The following THSD7B variants were observed in gnomAD, a reference collection of about 807,000 sequenced individuals.
THSD7B encodes thrombospondin type 1 domain containing 7B, also known as thrombospondin type-1 domain-containing protein 7B.
A neutral mutation model predicts 213.6 loss-of-function variants in THSD7B; 138 were observed. That is an observed-to-expected ratio of 0.65 (90% CI 0.56 to 0.74). The LOEUF (loss-of-function observed/expected upper bound fraction) is 0.74. THSD7B is among the 30% of genes least tolerant of loss of function. The probability of loss-of-function intolerance (pLI) is 0.00; values close to 1 mark genes in which losing one functional copy is unlikely to be tolerated. For synonymous variants in THSD7B, 742 were observed against 687.0 expected, an observed-to-expected ratio of 1.08 and a Z score of -1.25; for missense variants, 1,931 against 1,991.5, an observed-to-expected ratio of 0.97 and a Z score of 0.58.
chr2:137,209,398 A>G (rs1201554570), intron 7 of THSD7B, among the ~76,000 whole-genome samples: 1 of 152,120 alleles, frequency 6.6e-6, no homozygotes, highest in Non-Finnish European at 1.5e-5. Flanking sequence ...AAATAAATGT[A>G]TTAATAAATG....
chr2:136,896,131 T>C (rs1683956096), intron 2 of THSD7B, among the ~76,000 whole-genome samples: 1 of 152,220 alleles, frequency 6.6e-6, no homozygotes, highest in South Asian at 2.1e-4. Flanking sequence ...GTATGGAATA[T>C]ACATGCTGAA....
At chr2:137,039,326 A>G (rs976057744) in intron 2 of THSD7B, among the ~76,000 whole-genome samples, 4 of 152,144 alleles carry the variant, frequency 2.6e-5, no homozygotes, top group Non-Finnish European at 4.4e-5. Flanking sequence ...CGATATATTA[A>G]TAGTCTATAT....
chr2:137,086,450 C>T (rs1687844011), intron 3 of THSD7B, among the ~76,000 whole-genome samples: 1 of 152,138 alleles, frequency 6.6e-6, no homozygotes, highest in Non-Finnish European at 1.5e-5. Context: ...CCCTCCAACT[C>T]CTGCTTCTGT....
At chr2:137,534,183 C>A (rs1573690598) in intron 15 of THSD7B, among the ~76,000 whole-genome samples, 1 of 151,578 alleles carries the variant, frequency 6.6e-6, no homozygotes, top group East Asian at 2.0e-4. Context: ...GTTTTAGTAC[C>A]ATAAAATAGA....
chr2:137,381,184 T>A (rs1014001740), intron 12 of THSD7B, among the ~76,000 whole-genome samples: 15 of 152,198 alleles, frequency 9.9e-5, no homozygotes, highest in African/African-American at 3.1e-4. Context: ...TGGTACCCGG[T>A]GGCAGCCGTA....
At chr2:136,817,454 T>A (rs1048262347) in intron 1 of THSD7B, among the ~76,000 whole-genome samples, 7 of 151,566 alleles carry the variant, frequency 4.6e-5, no homozygotes, top group Non-Finnish European at 8.8e-5. Context: ...ATGTCCTGAA[T>A]GGTAATGCCT....
intron 14 of THSD7B, among the ~76,000 whole-genome samples, chr2:137,431,667 T>G (rs1433261748): frequency 1.3e-5 from 2 of 152,108 alleles, no homozygotes; most frequent in African/African-American, 4.8e-5. Context: ...TGATGAGAAT[T>G]TATGGTTTGT....
At chr2:137,186,822 G>A (rs1680561594) in intron 7 of THSD7B, among the ~76,000 whole-genome samples, 1 of 151,948 alleles carries the variant, frequency 6.6e-6, no homozygotes, top group South Asian at 2.1e-4. Flanking sequence ...CTTTAATATT[G>A]ATTCTTCCAA....
At chr2:137,093,255 C>T (rs921046815) in intron 3 of THSD7B, among the ~76,000 whole-genome samples, 1 of 133,446 alleles carries the variant, frequency 7.5e-6, no homozygotes, top group African/African-American at 3.3e-5. Flanking sequence ...ACCCTTGTAC[C>T]TTGTATCTAC....
At chr2:137,484,561 A>G (rs9710965) in intron 15 of THSD7B, among the ~76,000 whole-genome samples, 57,506 of 57,964 alleles carry the variant, frequency 0.99, 28,566 homozygotes, top group Middle Eastern at 1. Context: ...GGGTCAAATG[A>G]TATTTCTAGT....
intron 1 of THSD7B, among the ~76,000 whole-genome samples, chr2:136,772,965 C>G (rs1218716572): frequency 6.6e-6 from 1 of 152,104 alleles, no homozygotes; most frequent in Non-Finnish European, 1.5e-5. Flanking sequence ...TGACCAGTTT[C>G]TGTCTTTGCC....
intron 14 of THSD7B, among the ~76,000 whole-genome samples, chr2:137,422,281 T>C (rs7583133): frequency 0.084 from 12,839 of 152,250 alleles, 1,151 homozygotes; most frequent in African/African-American, 0.22. Flanking sequence ...AACAACATTA[T>C]ATAAAATTAG....
intron 16 of THSD7B, among the ~76,000 whole-genome samples, chr2:137,563,566 AGCGTATCCT>A (rs1681168006): frequency 6.6e-6 from 1 of 152,266 alleles, no homozygotes; most frequent in African/African-American, 2.4e-5. Context: ...ACAATCCTTT[AGCGTATCCT>A]GCAAATGACA....
At chr2:136,823,520 G>A (rs1682597715) in intron 1 of THSD7B, among the ~76,000 whole-genome samples, 2 of 152,076 alleles carry the variant, frequency 1.3e-5, no homozygotes, top group Admixed American at 1.3e-4. Flanking sequence ...TCTTTTGCCA[G>A]TAATACCCTT....
chr2:137,403,553 C>G (rs1308629652), intron 12 of THSD7B, among the ~76,000 whole-genome samples: 2 of 152,166 alleles, frequency 1.3e-5, no homozygotes, highest in African/African-American at 4.8e-5. Context: ...ATGAATTCAG[C>G]AAATATCCAT....
At chr2:137,429,710 G>C (rs1374276200) in intron 14 of THSD7B, among the ~76,000 whole-genome samples, 1 of 152,178 alleles carries the variant, frequency 6.6e-6, no homozygotes, top group African/African-American at 2.4e-5. Context: ...GAATGAGAGT[G>C]CATTGTTGTT....
intron 12 of THSD7B, among the ~76,000 whole-genome samples, chr2:137,310,444 T>G (rs1683871106): frequency 6.7e-6 from 1 of 148,970 alleles, no homozygotes; most frequent in Admixed American, 6.7e-5. Flanking sequence ...TTTTCTCCCA[T>G]TTTGTAGGTT....
intron 15 of THSD7B, among the ~76,000 whole-genome samples, chr2:137,455,786 G>A (rs531881540): frequency 6.6e-6 from 1 of 152,164 alleles, no homozygotes; most frequent in Non-Finnish European, 1.5e-5. Context: ...ATTTTTCACA[G>A]TCTCTAATGT....
At chr2:136,900,361 T>A (rs1684042931) in intron 2 of THSD7B, among the ~76,000 whole-genome samples, 2 of 152,138 alleles carry the variant, frequency 1.3e-5, no homozygotes, top group African/African-American at 4.8e-5. Flanking sequence ...TTTGGCTCCT[T>A]TACCCTTGAG....
Sources: allele counts gnomAD v4.1 joint callset (sites outside exome capture counted in the v4.1 genomes callset), GRCh38; gene constraint gnomAD v4.1.1; transcripts MANE v1.5; gene names NCBI Gene and HGNC (gene_info 2026-07-23, HGNC 2026-07-21).